Variants in GPSM1 observed in about 807,000 individuals in gnomAD.
The protein encoded by GPSM1 is G protein signaling modulator 1.
GPSM1 carries 48 observed loss-of-function variants against 70.5 expected under a neutral mutation model. The ratio of observed to expected loss-of-function variants is 0.68; its 90% CI spans 0.54 to 0.87. The LOEUF is 0.87. Ranked by LOEUF, GPSM1 falls within the 40% of genes least tolerant of loss-of-function variation. The probability of loss-of-function intolerance (pLI) is 0.00; values close to 1 mark genes in which losing one functional copy is unlikely to be tolerated. For synonymous variants in GPSM1, 416 were observed against 430.1 expected, an observed-to-expected ratio of 0.97 and a Z score of 0.41; for missense variants, 981 against 972.6, an observed-to-expected ratio of 1.01 and a Z score of -0.11.
chr9:136,337,738 A>T, intron 5 of GPSM1, 108 bp from the exon 6 acceptor site: 1 of 1,024,118 alleles, frequency 9.8e-7, no homozygotes, highest in South Asian at 1.4e-5. Flanking sequence ...GCTCACCCGG[A>T]CACACAGATC....
chr9:136,344,135 G>A (rs1359292172), intron 9 of GPSM1, among the ~76,000 whole-genome samples: 2 of 150,934 alleles, frequency 1.3e-5, no homozygotes, highest in South Asian at 2.1e-4. Flanking sequence ...AGGGAGGTGC[G>A]GACAGGAACG....
rs559231058 is a variant in GPSM1 at position 136,347,569 on chromosome 9, G to A, written c.1208-1128G>A. On this transcript the variant is annotated intron_variant, in intron 9 of 13. Coordinates refer to ENST00000440944, the MANE Select transcript of GPSM1 (RefSeq NM_001145638.3). ...GTTCCGCCGTCGTCCCCTCTGCCTA[G>A]AACGTTCTGCTGCCCTTTCCACAGT... 7.2e-5 allele frequency among the ~76,000 whole-genome samples: 11 copies of A among 152,300 alleles called. No homozygotes were observed. The East Asian group carries it at 2.1e-3, about 29-fold the overall frequency.
intron 10 of GPSM1, 127 bp downstream of exon 10, chr9:136,348,894 C>T (rs1564352654): frequency 6.4e-5 from 44 of 692,084 alleles, no homozygotes; most frequent in South Asian, 5.0e-4. Context: ...GTGCCCTCCT[C>T]GGCCTGATGC....
At chr9:136,337,663 C>A (rs2131398098) in intron 5 of GPSM1, 99 bp downstream of exon 5, 1 of 1,242,900 alleles carries the variant, frequency 8.0e-7, no homozygotes, top group Non-Finnish European at 1.1e-6. Context: ...GGTGGTATGG[C>A]CAGGCAGCAG....
intron 2 of GPSM1, 108 bp from the exon 3 acceptor site, chr9:136,335,858 C>T: frequency 1.7e-6 from 2 of 1,153,388 alleles, no homozygotes; most frequent in South Asian, 2.9e-5. Flanking sequence ...CTGTCCACTC[C>T]ATGCTGGTCC....
rs907945592 is a variant in GPSM1, at chr9:136,341,600, C to T, written c.1207+607C>T. On this transcript the variant is annotated intron_variant, in intron 9 of 13. Coordinates refer to ENST00000440944, the MANE Select transcript of GPSM1 (RefSeq NM_001145638.3). The surrounding 1 kb of genome is among the most constrained non-coding windows in gnomAD (Gnocchi z 6.7). Reference sequence around the variant, plus strand: ...AGGTTGGGCCGACTTCCTGAGGTGGCTGGCAGGTGGGTGAGGGGCAGGCTT... The same window carrying T: ...AGGTTGGGCCGACTTCCTGAGGTGGTTGGCAGGTGGGTGAGGGGCAGGCTT... 10 of 1,014,536 alleles carry T rather than the reference C, an allele frequency of 9.9e-6. No homozygotes were observed. In the African/African-American group the frequency reaches 1.0e-4, roughly 11 times the overall value. 62.8% of individuals were successfully genotyped at this position (1,014,536 alleles called of 1,614,324 possible). A position where few individuals can be genotyped will look rare whatever the true frequency, so the allele number is the denominator to read the frequency against.
rs1832385062 is a variant in GPSM1, at chr9:136,341,291, C to G, written c.1207+298C>G. The G allele has an allele frequency of 3.4e-6, 5 of 1,463,806 alleles. No homozygotes were observed. In the East Asian group the frequency reaches 1.2e-4, roughly 36 times the overall value. The allele number at this position is 1,463,806 out of a possible 1,614,324, so 90.7% of individuals were successfully genotyped here. ...TCCACCCCCACCTCCCCCTGGAGCC[C>G]TCGGTGCAGGGAGGGCTTCTGTCCT... On this transcript the variant is annotated intron_variant, in intron 9 of 13. Coordinates refer to ENST00000440944, the MANE Select transcript of GPSM1 (RefSeq NM_001145638.3). The surrounding 1 kb of genome is among the most constrained non-coding windows in gnomAD (Gnocchi z 6.7).
At chr9:136,347,959 T>G (rs377098957) in intron 9 of GPSM1, among the ~76,000 whole-genome samples, 12 of 152,150 alleles carry the variant, frequency 7.9e-5, no homozygotes, top group African/African-American at 2.7e-4. Context: ...GACTGAGGCT[T>G]GAAGGTGGGC....
rs1385933162 is a variant in GPSM1, at chr9:136,349,447, T to C, written c.1279-140T>C. 7.9e-6 allele frequency: 6 copies of C among 755,320 alleles called. No homozygotes were observed. In the East Asian group the frequency reaches 1.8e-4, roughly 22 times the overall value. The allele number at this position is 755,320 out of a possible 1,614,324, so 46.8% of individuals were successfully genotyped here. On this transcript the variant is annotated intron_variant, in intron 10 of 13. Coordinates refer to ENST00000440944, the MANE Select transcript of GPSM1 (RefSeq NM_001145638.3). ...CCCAGCCAAGGGCCCACAGCCCCAGTCCTCTCCTCCTCTCTGGGTACTGGG... is the reference window on the plus strand; with the variant it reads ...CCCAGCCAAGGGCCCACAGCCCCAGCCCTCTCCTCCTCTCTGGGTACTGGG...
At position 136,342,614 on chromosome 9, in the gene GPSM1, G is replaced by A. The variant is rs2131403253; in HGVS notation, c.1207+1621G>A. ...CTAGAGCCTGGGCGGCCCTGGGTGAGACCCCGGCTCAGCTGAGCCTGGCAG... is the reference window on the plus strand; with the variant it reads ...CTAGAGCCTGGGCGGCCCTGGGTGAAACCCCGGCTCAGCTGAGCCTGGCAG... On this transcript the variant is annotated intron_variant, in intron 9 of 13. Coordinates refer to ENST00000440944, the MANE Select transcript of GPSM1 (RefSeq NM_001145638.3). This position sits in a 1 kb window ranked among gnomAD's most constrained non-coding sequence, Gnocchi z 5.5. 6.6e-6 allele frequency among the ~76,000 whole-genome samples: 1 copy of A among 152,264 alleles called. No individual in the cohort carries two copies. The highest frequency in any genetic ancestry group is 2.1e-4 in the South Asian group (1 of 4,832).
rs782188577 is a variant in GPSM1, at chr9:136,340,950, G to A, written c.1164G>A (p.Pro388=). ...LQLVLGRLTS[P]AASEKPDLAG... is the part of the protein sequence containing the mutation. ...TGGTGCTCGGCCGCCTGACCAGCCC[G>A]GCAGCCTCAGAGAAGCCTGACCTGG... is the stretch of plus-strand genomic sequence containing the variant. Residue 388 remains proline (P), a synonymous_variant, in exon 9 of 14, where the codon CCG becomes CCA. Transcript: ENST00000440944. This position sits in a 1 kb window ranked among gnomAD's most constrained non-coding sequence, Gnocchi z 7.3. The A allele has an allele frequency of 4.5e-6, 7 of 1,563,714 alleles. No individual in the cohort carries two copies. The highest frequency in any genetic ancestry group is 2.4e-5 in the East Asian group (1 of 42,030).
At chr9:136,337,299 G>A in intron 4 of GPSM1, 142 bp from the exon 5 acceptor site, 2 of 1,323,498 alleles carry the variant, frequency 1.5e-6, no homozygotes, top group South Asian at 1.5e-5. Context: ...CAGAGCTCGA[G>A]GACCCTGGAG....
rs1254485862 is a variant in GPSM1 at position 136,343,207 on chromosome 9, C to T, written c.1207+2214C>T. Among the ~76,000 whole-genome samples, 3 of 152,196 alleles carry T rather than the reference C, an allele frequency of 2.0e-5. No homozygotes were observed. Among genetic ancestry groups the T allele is most frequent in the Non-Finnish European group, 4.4e-5 (3 of 68,032 alleles). ...CCCTGACAGCAACCAGCCCCCACCT[C>T]CCTGGCCAGAGGGCACAGGCCCGGG... On this transcript the variant is annotated intron_variant, in intron 9 of 13. Transcript: ENST00000440944. The surrounding 1 kb of genome is among the most constrained non-coding windows in gnomAD (Gnocchi z 6.0).
chr9:136,341,015 G>C lies in GPSM1; in HGVS notation c.1207+22G>C. ...CAGGGTGAGTTCCAGGGTTGTGGGG[G>C]GGTCTTGCTCCCCACAGGCACGGAC... On this transcript the variant is annotated intron_variant, in intron 9 of 13. Coordinates refer to ENST00000440944, the MANE Select transcript of GPSM1 (RefSeq NM_001145638.3). The surrounding 1 kb of genome is among the most constrained non-coding windows in gnomAD (Gnocchi z 6.7). The C allele has an allele frequency of 6.4e-7, 1 of 1,562,738 alleles. No homozygotes were observed. The highest frequency in any genetic ancestry group is 8.7e-7 in the Non-Finnish European group (1 of 1,153,954).
At chr9:136,348,647 A>G (rs1554771611) in intron 9 of GPSM1, 50 bp from the exon 10 acceptor site, 2 of 1,421,550 alleles carry the variant, frequency 1.4e-6, no homozygotes, top group Admixed American at 3.7e-5. Context: ...GGCCCACCCA[A>G]TGCGAGGTGC....
rs565058532 is a variant in GPSM1 at position 136,337,339 on chromosome 9, T to C, written c.579-102T>C. 1.8e-4 allele frequency: 264 copies of C among 1,491,318 alleles called. No homozygotes were observed. In the African/African-American group the frequency reaches 2.3e-3, roughly 13 times the overall value. The allele number at this position is 1,491,318 out of a possible 1,614,324, so 92.4% of individuals were successfully genotyped here. ...CCCTAGCCACCCTCTTTCCAGGGCATGGCCCTGAGGCCGCATGGAGGCCGC... is the reference window on the plus strand; with the variant it reads ...CCCTAGCCACCCTCTTTCCAGGGCACGGCCCTGAGGCCGCATGGAGGCCGC... On this transcript the variant is annotated intron_variant, in intron 4 of 13. Transcript: ENST00000440944.
At chr9:136,356,694 G>A in intron 13 of GPSM1, 144 bp downstream of exon 13, 1 of 643,616 alleles carries the variant, frequency 1.6e-6, no homozygotes, top group Non-Finnish European at 2.7e-6. Context: ...GACTCAGCCA[G>A]TGTCACCACA....
intron 2 of GPSM1, among the ~76,000 whole-genome samples, chr9:136,335,290 C>T (rs1203443995): frequency 3.9e-5 from 6 of 152,146 alleles, no homozygotes; most frequent in Non-Finnish European, 8.8e-5. Context: ...CCACTCACAG[C>T]CTCCTTCCTG....
rs782176357 is a variant in GPSM1, at chr9:136,357,996, T to C, written c.1822-18T>C. ...GGGCTGGGGGGGTGAGGCCGCCAACTGCACTGTGTCCACCCAGTCCTCCAG... is the reference window on the plus strand; with the variant it reads ...GGGCTGGGGGGGTGAGGCCGCCAACCGCACTGTGTCCACCCAGTCCTCCAG... On this transcript the variant is annotated intron_variant, in intron 13 of 13. Transcript: ENST00000440944. 3 of 1,606,160 alleles carry C rather than the reference T, an allele frequency of 1.9e-6. No homozygotes were observed. Among genetic ancestry groups the C allele is most frequent in the Non-Finnish European group, 2.6e-6 (3 of 1,174,126 alleles).
Sources: allele counts gnomAD v4.1 joint callset (sites outside exome capture counted in the v4.1 genomes callset), GRCh38; gene constraint gnomAD v4.1.1; non-coding constraint Gnocchi (gnomAD v3.1); transcripts MANE v1.5; gene names NCBI Gene and HGNC (gene_info 2026-07-23, HGNC 2026-07-21).